The following MAP4K4 variants were observed in gnomAD, a reference collection of about 807,000 sequenced individuals.
MAP4K4 encodes the protein HPK/GCK-like kinase HGK.
MAP4K4 carries 38 observed loss-of-function variants against 189.6 expected under a neutral mutation model. The ratio of observed to expected loss-of-function variants is 0.20; its 90% CI spans 0.15 to 0.26. The LOEUF (loss-of-function observed/expected upper bound fraction) is 0.26, where lower values mean the gene tolerates loss of function less well. Among genes scored for constraint, MAP4K4 ranks in the 10% least tolerant of loss-of-function variants. The pLI is 1.00. For synonymous variants in MAP4K4, 610 were observed against 624.3 expected (o/e 0.98, Z 0.34); for missense variants, 1,054 against 1,726.9 (o/e 0.61, Z 6.91).
chr2:101,773,410 G>T (rs1383679788), intron 2 of MAP4K4, among the ~76,000 whole-genome samples: 1 of 152,178 alleles, frequency 6.6e-6, no homozygotes, highest in Non-Finnish European at 1.5e-5. Flanking sequence ...TCCCCACCCC[G>T]CAATTGCCTT....
chr2:101,873,626 A>C (rs756575512), intron 24 of MAP4K4, 21 bp from the exon 25 acceptor site: 21 of 1,269,612 alleles, frequency 1.7e-5, no homozygotes, highest in Non-Finnish European at 1.6e-5. Context: ...TGTATTAATA[A>C]CATTGAAATT....
intron 3 of MAP4K4, among the ~76,000 whole-genome samples, chr2:101,806,704 G>A (rs906185211): frequency 1.3e-5 from 2 of 152,094 alleles, no homozygotes; most frequent in African/African-American, 2.4e-5. Flanking sequence ...TAATGTGCCC[G>A]GTGAACTCAC....
intron 28 of MAP4K4, among the ~76,000 whole-genome samples, chr2:101,882,947 C>T (rs898253778): frequency 6.6e-6 from 1 of 152,210 alleles, no homozygotes; most frequent in African/African-American, 2.4e-5. Context: ...GTCTCCCCCA[C>T]GCTGTGCATC....
intron 2 of MAP4K4, among the ~76,000 whole-genome samples, chr2:101,742,579 T>C (rs1234515470): frequency 6.6e-6 from 1 of 152,124 alleles, no homozygotes; most frequent in Non-Finnish European, 1.5e-5. Flanking sequence ...TTGAGTAAAA[T>C]GAGTGAGGAC....
At chr2:101,729,400 AG>A (rs559019468) in intron 2 of MAP4K4, among the ~76,000 whole-genome samples, 145 of 152,232 alleles carry the variant, frequency 9.5e-4, no homozygotes, top group African/African-American at 3.4e-3. Flanking sequence ...ACATATGCTA[AG>A]AGTGTTTTGT....
At chr2:101,862,495 C>T (rs2097695908) in intron 16 of MAP4K4, among the ~76,000 whole-genome samples, 1 of 152,134 alleles carries the variant, frequency 6.6e-6, no homozygotes, top group Non-Finnish European at 1.5e-5. Context: ...CAACTTTGCA[C>T]TGCTTGAAGA....
intron 2 of MAP4K4, among the ~76,000 whole-genome samples, chr2:101,738,018 G>A (rs1199875977): frequency 6.6e-6 from 1 of 152,174 alleles, no homozygotes; most frequent in Non-Finnish European, 1.5e-5. Context: ...TGGCTTGTAG[G>A]TGGCAGGGCT....
intron 3 of MAP4K4, among the ~76,000 whole-genome samples, chr2:101,821,908 T>G (rs1576251532): frequency 6.6e-6 from 1 of 152,204 alleles, no homozygotes; most frequent in Non-Finnish European, 1.5e-5. Flanking sequence ...TTTAAACATT[T>G]TGGTAAAAAA....
At chr2:101,761,675 C>T (rs1485458225) in intron 2 of MAP4K4, among the ~76,000 whole-genome samples, 1 of 151,866 alleles carries the variant, frequency 6.6e-6, no homozygotes, top group Non-Finnish European at 1.5e-5. Context: ...TCTGTCTTAG[C>T]CTCCTGAGTA....
At chr2:101,855,876 C>A (rs2097437007) in intron 12 of MAP4K4, 101 bp from the exon 13 acceptor site, 1 of 1,182,422 alleles carries the variant, frequency 8.5e-7, no homozygotes, top group Non-Finnish European at 1.2e-6. Flanking sequence ...ATGAACCTCA[C>A]CTCATTAGTG....
intron 3 of MAP4K4, among the ~76,000 whole-genome samples, chr2:101,792,364 A>G (rs1240467158): frequency 6.6e-6 from 1 of 152,136 alleles, no homozygotes; most frequent in Non-Finnish European, 1.5e-5. Context: ...AGTGTCATTC[A>G]ACCTGTGCTG....
chr2:101,763,362 T>C (rs780800687), intron 2 of MAP4K4, among the ~76,000 whole-genome samples: 8 of 152,232 alleles, frequency 5.3e-5, no homozygotes, highest in Non-Finnish European at 8.8e-5. Context: ...AGTTAAGTTA[T>C]TAATATATAC....
At chr2:101,778,465 G>A (rs1174707292) in intron 2 of MAP4K4, among the ~76,000 whole-genome samples, 1 of 152,062 alleles carries the variant, frequency 6.6e-6, no homozygotes, top group Non-Finnish European at 1.5e-5. Context: ...CACACAGGGT[G>A]GACAGCATGC....
At chr2:101,835,862 A>G (rs1046164912) in intron 8 of MAP4K4, 38 bp from the exon 9 acceptor site, 10 of 1,340,918 alleles carry the variant, frequency 7.5e-6, no homozygotes, top group Middle Eastern at 3.6e-4. Context: ...AATGAGTGAA[A>G]TAAGTGCCAT....
At chr2:101,731,941 G>C (rs945897196) in intron 2 of MAP4K4, among the ~76,000 whole-genome samples, 60 of 152,006 alleles carry the variant, frequency 3.9e-4, no homozygotes, top group Admixed American at 6.5e-4. Flanking sequence ...GAAATAACTA[G>C]GAAAATTGTT....
chr2:101,824,221 T>C (rs1361050729), intron 4 of MAP4K4, among the ~76,000 whole-genome samples, 168 bp downstream of exon 4: 2 of 152,182 alleles, frequency 1.3e-5, no homozygotes, highest in East Asian at 1.9e-4. Context: ...GTGGGTTGAC[T>C]ATATGCTGGT....
chr2:101,847,935 G>T (rs1445711610), intron 12 of MAP4K4, among the ~76,000 whole-genome samples: 4 of 152,068 alleles, frequency 2.6e-5, no homozygotes, highest in Non-Finnish European at 5.9e-5. Context: ...TGTTTTTACT[G>T]TACTTTTTTT....
exon 32 of MAP4K4, chr2:101,888,819 A>C: frequency 6.2e-7 from 1 of 1,612,018 alleles, no homozygotes; most frequent in Non-Finnish European, 8.5e-7. Context: ...CAATCAGACA[A>C]TGGGCTGGGG....
At chr2:101,764,822 C>T (rs575083127) in intron 2 of MAP4K4, among the ~76,000 whole-genome samples, 1 of 152,240 alleles carries the variant, frequency 6.6e-6, no homozygotes, top group South Asian at 2.1e-4. Flanking sequence ...CTCCTGCATT[C>T]TCTCTTGTTT....
Sources: allele counts gnomAD v4.1 joint callset (sites outside exome capture counted in the v4.1 genomes callset), GRCh38; gene constraint gnomAD v4.1.1; transcripts MANE v1.5; gene names NCBI Gene and HGNC (gene_info 2026-07-23, HGNC 2026-07-21).